Variants in HDAC8 observed in about 807,000 individuals in gnomAD.
HDAC8 encodes the protein histone deacetylase-like 1.
A neutral mutation model predicts 32.2 loss-of-function variants in HDAC8; 1 was observed. The observed-to-expected ratio is 0.03, with a 90% CI of 0.01 to 0.15. The LOEUF (loss-of-function observed/expected upper bound fraction) is 0.15, where lower values mean the gene tolerates loss of function less well. Among genes scored for constraint, HDAC8 ranks in the 10% least tolerant of loss-of-function variants. The pLI, the probability that HDAC8 is intolerant of heterozygous loss-of-function variation, is 1.00. For missense variants in HDAC8, 117 were observed against 300.0 expected, an observed-to-expected ratio of 0.39 and a Z score of 4.51; for synonymous variants, 108 against 113.9, an observed-to-expected ratio of 0.95 and a Z score of 0.33.
chrX:72,542,163 T>C (rs1395701103), intron 4 of HDAC8, among the ~76,000 whole-genome samples: 1 of 112,470 alleles, frequency 8.9e-6, no homozygotes, highest in Non-Finnish European at 1.9e-5. Flanking sequence ...TCATTAATTT[T>C]GTTCATACTT....
chrX:72,479,564 G>A (rs781888719), intron 7 of HDAC8, among the ~76,000 whole-genome samples: 9 of 111,931 alleles, frequency 8.0e-5, no homozygotes, highest in Non-Finnish European at 1.5e-4. Flanking sequence ...AGCATAACAA[G>A]AGACCAGAGA....
intron 4 of HDAC8, among the ~76,000 whole-genome samples, chrX:72,523,850 G>A (rs1454150037): frequency 9.0e-6 from 1 of 111,626 alleles, no homozygotes; most frequent in Non-Finnish European, 1.9e-5. Context: ...ATGGAGTCAG[G>A]AATGTTGAAC....
intron 9 of HDAC8, among the ~76,000 whole-genome samples, chrX:72,457,742 A>T (rs1194362877): frequency 8.9e-6 from 1 of 112,136 alleles, no homozygotes; most frequent in African/African-American, 3.2e-5. Flanking sequence ...TTAAAAGATT[A>T]AATATTGTTA....
chrX:72,511,439 G>A (rs146933255), intron 4 of HDAC8, among the ~76,000 whole-genome samples: 1,694 of 111,420 alleles, frequency 0.015, 26 homozygotes, highest in African/African-American at 0.041. Context: ...TAAAAGCACC[G>A]GCAAAGCAGC....
intron 10 of HDAC8, among the ~76,000 whole-genome samples, chrX:72,339,020 T>G (rs2043814568): frequency 9.0e-6 from 1 of 111,717 alleles, no homozygotes; most frequent in Non-Finnish European, 1.9e-5. Context: ...TTAAAATAAA[T>G]ATGACTATTA....
intron 9 of HDAC8, among the ~76,000 whole-genome samples, chrX:72,460,370 T>G (rs1483892443): frequency 2.7e-5 from 3 of 111,229 alleles, no homozygotes; most frequent in Non-Finnish European, 5.7e-5. Flanking sequence ...ACTCCTGACC[T>G]CAAGTGATCT....
At chrX:72,483,724 C>T (rs1556004326) in intron 7 of HDAC8, among the ~76,000 whole-genome samples, 1 of 111,765 alleles carries the variant, frequency 8.9e-6, no homozygotes, top group Non-Finnish European at 1.9e-5. Flanking sequence ...AGGAATTGAT[C>T]CTATGCCTAA....
intron 9 of HDAC8, among the ~76,000 whole-genome samples, chrX:72,439,893 C>T (rs1555980971): frequency 9.0e-6 from 1 of 111,700 alleles, no homozygotes; most frequent in South Asian, 3.7e-4. Flanking sequence ...TAACACCCCA[C>T]TGTCAGTATT....
At chrX:72,412,461 G>A (rs782160721) in intron 9 of HDAC8, among the ~76,000 whole-genome samples, 1 of 111,645 alleles carries the variant, frequency 9.0e-6, no homozygotes, top group South Asian at 3.8e-4. Flanking sequence ...ATTGGTACTG[G>A]GTACAAGCTT....
intron 9 of HDAC8, among the ~76,000 whole-genome samples, chrX:72,452,804 AAAG>A (rs782528499): frequency 4.6e-4 from 52 of 111,998 alleles, no homozygotes; most frequent in African/African-American, 1.7e-3. Flanking sequence ...CTAAACATGC[AAAG>A]AAGTAGGCAA....
chrX:72,395,144 G>C (rs1412440865), intron 9 of HDAC8, among the ~76,000 whole-genome samples: 7 of 112,627 alleles, frequency 6.2e-5, no homozygotes, highest in Non-Finnish European at 1.3e-4. Context: ...TTTAAACAAG[G>C]TCAGAAGATT....
intron 9 of HDAC8, among the ~76,000 whole-genome samples, chrX:72,365,526 G>T (rs782303237): frequency 9.0e-6 from 1 of 111,643 alleles, no homozygotes; most frequent in African/African-American, 3.3e-5. Flanking sequence ...CTTCATGGAG[G>T]AGATGGGAGG....
At chrX:72,477,128 G>T (rs2048357794) in intron 7 of HDAC8, among the ~76,000 whole-genome samples, 1 of 112,007 alleles carries the variant, frequency 8.9e-6, no homozygotes, top group Non-Finnish European at 1.9e-5. Flanking sequence ...CAGATTGGAA[G>T]CCAAACAGCT....
chrX:72,406,692 C>T (rs1266859299), intron 9 of HDAC8, among the ~76,000 whole-genome samples: 1 of 112,397 alleles, frequency 8.9e-6, no homozygotes, highest in Non-Finnish European at 1.9e-5. Context: ...AAAGCCAAGA[C>T]AAAAACTTTC....
Position 72,349,891 on chromosome X carries a change from C to G in HDAC8, c.1111+1842G>C, listed in dbSNP as rs782326261. On this transcript the variant is annotated intron_variant, in intron 10 of 10. Coordinates refer to ENST00000373573, the MANE Select transcript of HDAC8 (RefSeq NM_018486.3). ...CAAGGCTTGCTTGGTTTCCCTGTTTCTATTGCTTTGTCTGTGCTCTACCAG... is the reference window on the plus strand; with the variant it reads ...CAAGGCTTGCTTGGTTTCCCTGTTTGTATTGCTTTGTCTGTGCTCTACCAG... Among the ~76,000 whole-genome samples, 3 of 111,609 alleles carry G rather than the reference C, an allele frequency of 2.7e-5. No homozygotes were observed. In the South Asian group the frequency reaches 1.1e-3, roughly 42 times the overall value.
At chrX:72,386,731 C>G (rs2045440787) in intron 9 of HDAC8, among the ~76,000 whole-genome samples, 1 of 111,637 alleles carries the variant, frequency 9.0e-6, no homozygotes, top group Non-Finnish European at 1.9e-5. Flanking sequence ...CCTTGCCTCA[C>G]ACAGCTAGTA....
intron 9 of HDAC8, among the ~76,000 whole-genome samples, chrX:72,439,362 C>A: frequency 9.0e-6 from 1 of 111,272 alleles, no homozygotes; most frequent in Non-Finnish European, 1.9e-5. Flanking sequence ...CAAAAACATA[C>A]CAAATTGTAA....
chrX:72,360,533 T>C (rs2044518983), intron 9 of HDAC8, among the ~76,000 whole-genome samples: 1 of 112,090 alleles, frequency 8.9e-6, no homozygotes, highest in African/African-American at 3.2e-5. Flanking sequence ...CCTGAGGCTT[T>C]ACTGTTTTTA....
chrX:72,465,428 T>C (rs782170845), intron 7 of HDAC8, among the ~76,000 whole-genome samples: 1 of 111,367 alleles, frequency 9.0e-6, no homozygotes, highest in East Asian at 2.8e-4. Flanking sequence ...TAGCTGTTTT[T>C]TTTTTTTTGA....
Sources: allele counts gnomAD v4.1 joint callset (sites outside exome capture counted in the v4.1 genomes callset), GRCh38; gene constraint gnomAD v4.1.1; transcripts MANE v1.5; gene names NCBI Gene and HGNC (gene_info 2026-07-23, HGNC 2026-07-21).